INPP1: variants seen among roughly 807,000 people sequenced by gnomAD.
INPP1 encodes the protein inositol polyphosphate 1-phosphatase.
Under a neutral mutation model 23.0 loss-of-function variants are expected in INPP1, and 18 were observed. The ratio of observed to expected loss-of-function variants is 0.78; its 90% CI spans 0.54 to 1.16. INPP1 has a LOEUF of 1.16. Among genes scored for constraint, INPP1 ranks in the 50% most tolerant of loss-of-function variants. The pLI, the probability that INPP1 is intolerant of heterozygous loss-of-function variation, is 0.00. For missense variants in INPP1, 448 were observed against 482.1 expected (o/e 0.93, Z 0.66); for synonymous variants, 164 against 176.3 (o/e 0.93, Z 0.55).
chr2:190,351,604 T>A lies in INPP1; in HGVS notation c.-65+2573T>A, dbSNP rs573331649. ...GCCTGACCTCTTTCACTTGACAGCA[T>A]GTTTTTGTGAGATGCATCCATGTTG... On this transcript the variant is annotated intron_variant, in intron 2 of 6. Coordinates refer to ENST00000392329, the MANE Select transcript of INPP1 (RefSeq NM_001128928.2). Among the ~76,000 whole-genome samples, 8 of 152,370 alleles carry A rather than the reference T, an allele frequency of 5.3e-5. No individual in the cohort carries two copies. In the South Asian group the frequency reaches 1.7e-3, roughly 32 times the overall value.
At chr2:190,370,012 T>C (rs1689769502) in intron 6 of INPP1, among the ~76,000 whole-genome samples, 1 of 152,224 alleles carries the variant, frequency 6.6e-6, no homozygotes, top group Admixed American at 6.5e-5. Flanking sequence ...TTATACCTCT[T>C]AAGTTTTAAT....
intron 4 of INPP1, among the ~76,000 whole-genome samples, chr2:190,365,887 CTG>C (rs1689638910): frequency 6.6e-6 from 1 of 150,944 alleles, no homozygotes; most frequent in South Asian, 2.1e-4. Context: ...CTGTCTCTCT[CTG>C]TGTCTCTTGC....
intron 6 of INPP1, among the ~76,000 whole-genome samples, chr2:190,369,867 C>T (rs930952105): frequency 6.6e-6 from 1 of 152,150 alleles, no homozygotes; most frequent in Non-Finnish European, 1.5e-5. Flanking sequence ...CAGGGCATGG[C>T]AAAGTCCAGG....
rs1230289754 is a variant in INPP1, at chr2:190,354,502, C to G, written c.-65+5471C>G. Among the ~76,000 whole-genome samples the G allele has an allele frequency of 6.6e-6, 1 of 152,148 alleles. No individual in the cohort carries two copies. Among genetic ancestry groups the G allele is most frequent in the Non-Finnish European group, 1.5e-5 (1 of 68,038 alleles). ...GCGGATCCTTATCCAGTCTGACTGG[C>G]GTCCTTGTAAGAAAAGGGAGACATG... On this transcript the variant is annotated intron_variant, in intron 2 of 6. Transcript: ENST00000392329. This position sits in a 1 kb window ranked among gnomAD's most constrained non-coding sequence, Gnocchi z 4.8.
In INPP1 at chr2:190,355,397, G is replaced by C. The variant is rs1454858264; in HGVS notation, c.-64-4642G>C. Among the ~76,000 whole-genome samples the C allele has an allele frequency of 6.6e-6, 1 of 152,212 alleles. No homozygotes were observed. The highest frequency in any genetic ancestry group is 2.4e-5 in the African/African-American group (1 of 41,448). On this transcript the variant is annotated intron_variant, in intron 2 of 6. Transcript: ENST00000392329. The surrounding 1 kb of genome is among the most constrained non-coding windows in gnomAD (Gnocchi z 5.1). ...TTCACCAAGATACCTGCCAGCAGGT[G>C]CCAGCTGCCACTAAAATTGCCAGCA...
At chr2:190,364,529 A>T (rs1347733579) in intron 4 of INPP1, among the ~76,000 whole-genome samples, 1 of 140,776 alleles carries the variant, frequency 7.1e-6, no homozygotes, top group Non-Finnish European at 1.6e-5. Flanking sequence ...GTGACAGAGC[A>T]AGACTCCGTC....
In INPP1 at chr2:190,367,590, C is replaced by T. The variant is rs184686029; in HGVS notation, c.466+695C>T. On this transcript the variant is annotated intron_variant, in intron 5 of 6. Transcript: ENST00000392329. The surrounding 1 kb of genome is among the most constrained non-coding windows in gnomAD (Gnocchi z 4.1). ...TTGAGACAGAGTCTCGTGTTGCACA[C>T]AGGCTGGAGTGCAGTGGCACAGTCA... Among the ~76,000 whole-genome samples, 17 of 152,242 alleles carry T rather than the reference C, an allele frequency of 1.1e-4. No individual in the cohort carries two copies. The highest frequency in any genetic ancestry group is 4.1e-4 in the African/African-American group (17 of 41,522).
intron 1 of INPP1, among the ~76,000 whole-genome samples, chr2:190,347,759 C>G (rs979022668): frequency 2.0e-5 from 3 of 152,138 alleles, no homozygotes; most frequent in Admixed American, 2.0e-4. Context: ...ATTCAAGTGA[C>G]CAAAGAAAAT....
rs1383215098 is a variant in INPP1 at position 190,356,720 on chromosome 2, TA to T, written c.-64-3317del. ...TTCTTTTAAGAAAAAAAATTGATTT[TA>T]ACACTTGAATAAAAGAAACACTGCT... On this transcript the variant is annotated intron_variant, in intron 2 of 6. Transcript: ENST00000392329. This position sits in a 1 kb window ranked among gnomAD's most constrained non-coding sequence, Gnocchi z 6.4. The T allele has an allele frequency of 6.6e-6, 1 of 152,146 alleles. No homozygotes were observed. The highest frequency in any genetic ancestry group is 1.5e-5 in the Non-Finnish European group (1 of 68,026). The allele number at this position is 152,146 out of a possible 1,614,324, so 9.4% of individuals were successfully genotyped here.
intron 2 of INPP1, among the ~76,000 whole-genome samples, chr2:190,351,975 CT>C (rs984737406): frequency 1.3e-5 from 2 of 152,158 alleles, no homozygotes; most frequent in Non-Finnish European, 2.9e-5. Context: ...AATTTTCAGT[CT>C]TTTTTATTTT....
chr2:190,371,596 A>G lies in INPP1; in HGVS notation c.*194A>G, dbSNP rs1490627541. On this transcript the variant is annotated 3_prime_UTR_variant, in exon 7 of 7. Transcript: ENST00000392329. This position sits in a 1 kb window ranked among gnomAD's most constrained non-coding sequence, Gnocchi z 5.3. Reference sequence around the variant, plus strand: ...ATTCATGCAGCAATTATATTGGTGTATGAAATTCTTACAGTGAATATTGTG... The same window carrying G: ...ATTCATGCAGCAATTATATTGGTGTGTGAAATTCTTACAGTGAATATTGTG... The G allele has an allele frequency of 8.8e-6, 4 of 454,546 alleles. No homozygotes were observed. The highest frequency in any genetic ancestry group is 1.5e-5 in the Non-Finnish European group (4 of 261,158). The allele number at this position is 454,546 out of a possible 1,614,324, so 28.2% of individuals were successfully genotyped here.
chr2:190,369,702 T>A (rs1689762790), intron 6 of INPP1, among the ~76,000 whole-genome samples: 1 of 152,198 alleles, frequency 6.6e-6, no homozygotes, highest in Non-Finnish European at 1.5e-5. Context: ...AATTATCCAA[T>A]GAAAAGATTG....
rs1483531377 is a variant in INPP1, at chr2:190,356,651, A to G, written c.-64-3388A>G. On this transcript the variant is annotated intron_variant, in intron 2 of 6. Transcript: ENST00000392329. This position sits in a 1 kb window ranked among gnomAD's most constrained non-coding sequence, Gnocchi z 6.4. ...CTCGCCTGAGTGTTATTAGGGTGTT[A>G]TAAGGAGTGTTTCTTGGTTATTCAA... The G allele has an allele frequency of 6.6e-6, 1 of 152,176 alleles. No individual in the cohort carries two copies. The highest frequency in any genetic ancestry group is 1.5e-5 in the Non-Finnish European group (1 of 68,032). 9.4% of individuals were successfully genotyped at this position (152,176 alleles called of 1,614,324 possible). A position where few individuals can be genotyped will look rare whatever the true frequency, so the allele number is the denominator to read the frequency against.
chr2:190,357,387 TA>T (rs1689439402), intron 2 of INPP1, among the ~76,000 whole-genome samples: 1 of 152,006 alleles, frequency 6.6e-6, no homozygotes, highest in Admixed American at 6.6e-5. Context: ...ATTACTCAGT[TA>T]TAACTACCAT....
In INPP1 at chr2:190,367,965, G is replaced by T. The variant is rs1318611952; in HGVS notation, c.466+1070G>T. ...TTTTCTTCCCCACCCAACACAATGG[G>T]ACCATTCAAGGACCAGGCAAACTCC... On this transcript the variant is annotated intron_variant, in intron 5 of 6. Coordinates refer to ENST00000392329, the MANE Select transcript of INPP1 (RefSeq NM_001128928.2). This position sits in a 1 kb window ranked among gnomAD's most constrained non-coding sequence, Gnocchi z 4.1. 1.3e-5 allele frequency among the ~76,000 whole-genome samples: 2 copies of T among 151,940 alleles called. No homozygotes were observed. The highest frequency in any genetic ancestry group is 2.4e-5 in the African/African-American group (1 of 41,322).
rs1689347344 is a variant in INPP1 at position 190,352,841 on chromosome 2, G to T, written c.-65+3810G>T. On this transcript the variant is annotated intron_variant, in intron 2 of 6. Coordinates refer to ENST00000392329, the MANE Select transcript of INPP1 (RefSeq NM_001128928.2). This position sits in a 1 kb window ranked among gnomAD's most constrained non-coding sequence, Gnocchi z 4.7. ...GAAACACCTTCTTGTAAAACACCCA[G>T]ATATTTCACGGAAGCTTGGCCTTTT... Among the ~76,000 whole-genome samples the T allele has an allele frequency of 6.6e-6, 1 of 152,180 alleles. No individual in the cohort carries two copies. Among genetic ancestry groups the T allele is most frequent in the African/African-American group, 2.4e-5 (1 of 41,436 alleles).
chr2:190,369,111 T>A lies in INPP1; in HGVS notation c.475T>A (p.Tyr159Asn). ...GIWVDPIDSTYQYIKGSADIK... is the reference protein window; with the variant it reads ...GIWVDPIDSTNQYIKGSADIK... ...TTTGTTTCCTTTTTCAGATTCAACT[T>A]ATCAGTATATAAAAGGTTCTGCTGA... The change falls in exon 6 of 7, where the codon TAT (tyrosine) becomes AAT (asparagine). Residue 159 changes from tyrosine (Y) to asparagine (N), a missense_variant. Transcript: ENST00000392329. 1 of 1,569,480 alleles carries A rather than the reference T, an allele frequency of 6.4e-7. No homozygotes were observed. The highest frequency in any genetic ancestry group is 1.2e-5 in the South Asian group (1 of 84,202).
At chr2:190,359,885 T>A in intron 2 of INPP1, 154 bp from the exon 3 acceptor site, 1 of 520,422 alleles carries the variant, frequency 1.9e-6, no homozygotes, top group Non-Finnish European at 3.5e-6. Flanking sequence ...AGATTGTATC[T>A]AGAGTCTTCC....
At position 190,356,254 on chromosome 2, in the gene INPP1, G is replaced by T. The variant is rs939005391; in HGVS notation, c.-64-3785G>T. Among the ~76,000 whole-genome samples, 2 of 152,174 alleles carry T rather than the reference G, an allele frequency of 1.3e-5. No individual in the cohort carries two copies. Among genetic ancestry groups the T allele is most frequent in the African/African-American group, 4.8e-5 (2 of 41,442 alleles). ...ATCTGAAACTGGGCAGTTCAACCTG[G>T]AACTTGACAAAATATGACAGTGTTG... On this transcript the variant is annotated intron_variant, in intron 2 of 6. Transcript: ENST00000392329. This position sits in a 1 kb window ranked among gnomAD's most constrained non-coding sequence, Gnocchi z 6.4.
Sources: allele counts gnomAD v4.1 joint callset (sites outside exome capture counted in the v4.1 genomes callset), GRCh38; gene constraint gnomAD v4.1.1; non-coding constraint Gnocchi (gnomAD v3.1); transcripts MANE v1.5; gene names NCBI Gene and HGNC (gene_info 2026-07-23, HGNC 2026-07-21).